Variants in PPP1R12A observed in about 807,000 individuals in gnomAD.
PPP1R12A encodes myosin binding subunit.
Under a neutral mutation model 139.6 loss-of-function variants are expected in PPP1R12A, and 19 were observed. The ratio of observed to expected loss-of-function variants is 0.14; its 90% CI spans 0.09 to 0.20. The LOEUF (loss-of-function observed/expected upper bound fraction) is 0.20. Among genes scored for constraint, PPP1R12A ranks in the 10% least tolerant of loss-of-function variants. PPP1R12A has a pLI of 1.00. For missense variants in PPP1R12A, 925 were observed against 1,211.5 expected (o/e 0.76, Z 3.51); for synonymous variants, 427 against 420.6 (o/e 1.02, Z -0.19).
At chr12:79,792,478 T>G (rs1872003927) in intron 19 of PPP1R12A, among the ~76,000 whole-genome samples, 1 of 152,206 alleles carries the variant, frequency 6.6e-6, no homozygotes, top group South Asian at 2.1e-4. Flanking sequence ...TTTATATTTG[T>G]TATATTTATT....
intron 23 of PPP1R12A, chr12:79,780,188 A>G (rs762437956): frequency 6.6e-6 from 1 of 152,130 alleles, no homozygotes; most frequent in Non-Finnish European, 1.5e-5. Context: ...TGGGTGACAG[A>G]GCAATATTCT....
At position 79,788,791 on chromosome 12, in the gene PPP1R12A, A is replaced by C. The variant is rs537088212; in HGVS notation, c.2667-8T>G. ...GTAGAACTGGTTTCATATCTTCAAA[A>C]GATTAATTTAAATAAAAAACCTTGT... On this transcript the variant is annotated splice_polypyrimidine_tract_variant and splice_region_variant and intron_variant, in intron 20 of 24. Coordinates refer to ENST00000450142, the MANE Select transcript of PPP1R12A (RefSeq NM_002480.3). The C allele has an allele frequency of 6.4e-7, 1 of 1,573,926 alleles. No individual in the cohort carries two copies. Among genetic ancestry groups the C allele is most frequent in the East Asian group, 2.3e-5 (1 of 42,960 alleles).
At chr12:79,846,848 C>T (rs555441151) in intron 2 of PPP1R12A, among the ~76,000 whole-genome samples, 5 of 152,048 alleles carry the variant, frequency 3.3e-5, no homozygotes, top group South Asian at 2.1e-4. Context: ...CTCCTTCTTC[C>T]GGCATCACAC....
At chr12:79,807,170 T>A (rs1420570618) in intron 12 of PPP1R12A, 56 bp downstream of exon 12, 1 of 975,000 alleles carries the variant, frequency 1.0e-6, no homozygotes, top group Non-Finnish European at 1.5e-6. Context: ...CCAAACAAAT[T>A]GCCTCATATT....
chr12:79,777,161 A>G (rs1869829230), intron 24 of PPP1R12A: 2 of 814,356 alleles, frequency 2.5e-6, no homozygotes, highest in Non-Finnish European at 2.8e-6. Context: ...AAATATATTA[A>G]TTATATGTAA....
intron 14 of PPP1R12A, among the ~76,000 whole-genome samples, chr12:79,804,188 A>G (rs1001675089): frequency 6.6e-6 from 1 of 151,936 alleles, no homozygotes; most frequent in African/African-American, 2.4e-5. Context: ...TCCCAACCCC[A>G]CCACCAAAAA....
chr12:79,912,480 C>A (rs1284993069), intron 1 of PPP1R12A, among the ~76,000 whole-genome samples: 1 of 151,902 alleles, frequency 6.6e-6, no homozygotes, highest in Non-Finnish European at 1.5e-5. Flanking sequence ...TCGCTTGAGC[C>A]CAGGAGTTCA....
intron 1 of PPP1R12A, 130 bp downstream of exon 1, chr12:79,934,565 C>A (rs1381224086): frequency 1.1e-6 from 1 of 888,950 alleles, no homozygotes. Flanking sequence ...GGGGAAACCG[C>A]CCCCTCACCC....
chr12:79,914,598 C>T (rs561177474), intron 1 of PPP1R12A, among the ~76,000 whole-genome samples: 8 of 152,070 alleles, frequency 5.3e-5, no homozygotes, highest in African/African-American at 1.9e-4. Context: ...TTTATGTCCC[C>T]ATCATCTCCT....
chr12:79,863,445 A>C (rs1199583410), intron 2 of PPP1R12A, among the ~76,000 whole-genome samples: 1 of 152,156 alleles, frequency 6.6e-6, no homozygotes, highest in Admixed American at 6.5e-5. Context: ...TCATAATGAC[A>C]GGATCGAATT....
chr12:79,881,254 T>C (rs1883611904), intron 1 of PPP1R12A, among the ~76,000 whole-genome samples: 1 of 152,176 alleles, frequency 6.6e-6, no homozygotes. Flanking sequence ...AAAGGTATGC[T>C]GAGGTAGGCC....
At chr12:79,886,951 T>C (rs576367943) in intron 1 of PPP1R12A, among the ~76,000 whole-genome samples, 11 of 152,220 alleles carry the variant, frequency 7.2e-5, no homozygotes, top group Non-Finnish European at 1.3e-4. Context: ...TTTGGGGACT[T>C]AGTAAGGGCA....
intron 2 of PPP1R12A, among the ~76,000 whole-genome samples, chr12:79,850,536 TG>T: frequency 6.6e-6 from 1 of 152,348 alleles, no homozygotes; most frequent in African/African-American, 2.4e-5. Context: ...CAGAAGCTAA[TG>T]AGAACTTAGT....
Position 79,805,738 on chromosome 12 carries a change from A to G in PPP1R12A, c.1854T>C (p.Ser618=), listed in dbSNP as rs753015348. The G allele has an allele frequency of 7.4e-6, 12 of 1,613,114 alleles. No individual in the cohort carries two copies. Among genetic ancestry groups the G allele is most frequent in the Non-Finnish European group, 1.0e-5 (12 of 1,179,414 alleles). Reference sequence around the variant, plus strand: ...GAACACTGTCCTTTTCTTTCTCAGTACTATCCTCAGCCCACAAACGATTTG... The same window carrying G: ...GAACACTGTCCTTTTCTTTCTCAGTGCTATCCTCAGCCCACAAACGATTTG... ...STSNRLWAED[S]TEKEKDSVPT... Residue 618 remains serine, a synonymous_variant, in exon 14 of 25, where the codon AGT becomes AGC. Coordinates refer to ENST00000450142, the MANE Select transcript of PPP1R12A (RefSeq NM_002480.3).
chr12:79,927,151 G>A (rs774864787), intron 1 of PPP1R12A, among the ~76,000 whole-genome samples: 2 of 152,078 alleles, frequency 1.3e-5, no homozygotes, highest in African/African-American at 4.8e-5. Flanking sequence ...TCATGCCACT[G>A]CACTCCAGCC....
chr12:79,919,232 C>T (rs548122884), intron 1 of PPP1R12A, among the ~76,000 whole-genome samples: 1 of 152,104 alleles, frequency 6.6e-6, no homozygotes, highest in South Asian at 2.1e-4. Flanking sequence ...ATTTACTCAT[C>T]GCTGAGCAGC....
chr12:79,932,225 T>A (rs977850083), intron 1 of PPP1R12A, among the ~76,000 whole-genome samples: 2 of 152,206 alleles, frequency 1.3e-5, no homozygotes, highest in African/African-American at 4.8e-5. Flanking sequence ...TTTTTACAAT[T>A]AAGTATGGAA....
At chr12:79,895,857 G>A (rs955722364) in intron 1 of PPP1R12A, among the ~76,000 whole-genome samples, 1 of 152,090 alleles carries the variant, frequency 6.6e-6, no homozygotes, top group Non-Finnish European at 1.5e-5. Flanking sequence ...GATTTTAACA[G>A]ACTCAATGTG....
intron 8 of PPP1R12A, 134 bp from the exon 9 acceptor site, chr12:79,817,652 T>C: frequency 1.3e-6 from 1 of 785,564 alleles, no homozygotes; most frequent in Non-Finnish European, 1.9e-6. Context: ...TGATTCCTTT[T>C]CGCAAGTCAG....
Sources: allele counts gnomAD v4.1 joint callset (sites outside exome capture counted in the v4.1 genomes callset), GRCh38; gene constraint gnomAD v4.1.1; transcripts MANE v1.5; gene names NCBI Gene and HGNC (gene_info 2026-07-23, HGNC 2026-07-21).